MMP16: variants seen among roughly 807,000 people sequenced by gnomAD.
MMP16 encodes matrix metalloproteinase-16.
Under a neutral mutation model 67.8 loss-of-function variants are expected in MMP16, and 12 were observed. The ratio of observed to expected loss-of-function variants is 0.18; its 90% confidence interval spans 0.11 to 0.29. The LOEUF (loss-of-function observed/expected upper bound fraction) is 0.29, where lower values mean the gene tolerates loss of function less well. Among genes scored for constraint, MMP16 ranks in the 10% least tolerant of loss-of-function variants. The pLI is 1.00. For synonymous variants in MMP16, 249 were observed against 255.9 expected (o/e 0.97, Z 0.26); for missense variants, 475 against 765.7 (o/e 0.62, Z 4.48).
intron 7 of MMP16, among the ~76,000 whole-genome samples, chr8:88,073,727 T>C (rs1808600862): frequency 6.6e-6 from 1 of 152,178 alleles, no homozygotes; most frequent in African/African-American, 2.4e-5. Context: ...ATAGCATTAT[T>C]TTAGTTTGAT....
At chr8:88,298,718 A>G (rs1811051359) in intron 1 of MMP16, among the ~76,000 whole-genome samples, 1 of 152,196 alleles carries the variant, frequency 6.6e-6, no homozygotes, top group African/African-American at 2.4e-5. Context: ...GAGGTGATGA[A>G]TAATAAATTA....
Position 88,037,086 on chromosome 8 carries a change from A to G in MMP16, c.*4375T>C, listed in dbSNP as rs1484603822. ...TGGACACACTATTTATTCCACTGTAAGATCCACAAAGTGTGGGCGTGTATG... is the reference window on the plus strand; with the variant it reads ...TGGACACACTATTTATTCCACTGTAGGATCCACAAAGTGTGGGCGTGTATG... On this transcript the variant is annotated 3_prime_UTR_variant, in exon 10 of 10. Transcript: ENST00000286614. 6.6e-6 allele frequency: 1 copy of G among 150,682 alleles called. No homozygotes were observed. The highest frequency in any genetic ancestry group is 2.4e-5 in the African/African-American group (1 of 41,032). The allele number at this position is 150,682 out of a possible 1,614,324, so 9.3% of individuals were successfully genotyped here.
chr8:88,046,920 G>T (rs775593952), intron 8 of MMP16, 136 bp from the exon 9 acceptor site: 27 of 482,012 alleles, frequency 5.6e-5, no homozygotes, highest in Non-Finnish European at 1.8e-5. Context: ...ACCTGTTAAT[G>T]ATTTACAGAA....
At chr8:88,298,953 A>G (rs1811056040) in intron 1 of MMP16, among the ~76,000 whole-genome samples, 1 of 152,102 alleles carries the variant, frequency 6.6e-6, no homozygotes, top group African/African-American at 2.4e-5. Flanking sequence ...TGTCTAGTTC[A>G]TTTCTAACAT....
intron 1 of MMP16, among the ~76,000 whole-genome samples, chr8:88,297,344 T>G (rs1811028916): frequency 6.6e-6 from 1 of 152,136 alleles, no homozygotes; most frequent in Middle Eastern, 3.2e-3. Flanking sequence ...CTCCCCAAAC[T>G]CAAACGACTT....
rs563866673 is a variant in MMP16, at chr8:88,172,023, C to T, written c.405-4050G>A. 9.3e-4 allele frequency among the ~76,000 whole-genome samples: 141 copies of T among 152,218 alleles called. 2 individuals are homozygous for T. The highest frequency in any genetic ancestry group is 3.2e-3 in the African/African-American group (132 of 41,540). On this transcript the variant is annotated intron_variant, in intron 3 of 9. Coordinates refer to ENST00000286614, the MANE Select transcript of MMP16 (RefSeq NM_005941.5). ...TGTATTTTTGGTAGAGATGAGGTTT[C>T]ACCATGTTGGCCAGGCTGGTCTCGA...
chr8:88,308,024 T>C (rs2130058936), intron 1 of MMP16, among the ~76,000 whole-genome samples: 1 of 152,186 alleles, frequency 6.6e-6, no homozygotes, highest in African/African-American at 2.4e-5. Flanking sequence ...AAAATAGTTT[T>C]CCCAGAAATG....
chr8:88,192,913 G>GA (rs1809192656), intron 2 of MMP16, among the ~76,000 whole-genome samples: 1 of 151,950 alleles, frequency 6.6e-6, no homozygotes, highest in Non-Finnish European at 1.5e-5. Context: ...AATGAAAGCT[G>GA]GGGGGCATCT....
At chr8:88,236,451 T>C (rs1305681207) in intron 1 of MMP16, among the ~76,000 whole-genome samples, 1 of 151,994 alleles carries the variant, frequency 6.6e-6, no homozygotes, top group Non-Finnish European at 1.5e-5. Flanking sequence ...AAAATGAACA[T>C]TAAGTAGTTA....
At chr8:88,326,877 G>A (rs938687981) in intron 1 of MMP16, 198 bp downstream of exon 1, 1 of 554,960 alleles carries the variant, frequency 1.8e-6, no homozygotes, top group Non-Finnish European at 3.1e-6. Flanking sequence ...TTGTGCTGCC[G>A]GGGATAACGG....
At chr8:88,237,184 G>C (rs957218581) in intron 1 of MMP16, among the ~76,000 whole-genome samples, 7 of 152,118 alleles carry the variant, frequency 4.6e-5, no homozygotes, top group African/African-American at 1.7e-4. Flanking sequence ...CTTACAAAAA[G>C]TCTGACAACA....
At chr8:88,259,765 GA>G (rs1810358101) in intron 1 of MMP16, among the ~76,000 whole-genome samples, 2 of 152,070 alleles carry the variant, frequency 1.3e-5, no homozygotes, top group South Asian at 4.1e-4. Flanking sequence ...ATTATTTTAG[GA>G]AAAGGTACAA....
In MMP16 at chr8:88,046,859, T is replaced by C. The variant is rs1190398877; in HGVS notation, c.1374-75A>G. On this transcript the variant is annotated intron_variant, in intron 8 of 9. Transcript: ENST00000286614. ...GAAAGATTATGCATACAAACAATAA[T>C]AGCTGACATTTATTAGACCTTTGCT... 1.2e-5 allele frequency: 11 copies of C among 906,284 alleles called. No homozygotes were observed. In the East Asian group the frequency reaches 1.6e-4, roughly 13 times the overall value. The allele number at this position is 906,284 out of a possible 1,614,324, so 56.1% of individuals were successfully genotyped here.
At chr8:88,106,067 A>G (rs1201898661) in intron 6 of MMP16, among the ~76,000 whole-genome samples, 4 of 149,200 alleles carry the variant, frequency 2.7e-5, no homozygotes, top group Admixed American at 6.7e-5. Flanking sequence ...ATATATATAT[A>G]TATATATGTA....
At chr8:88,229,217 T>C (rs969395498) in intron 1 of MMP16, among the ~76,000 whole-genome samples, 4 of 152,120 alleles carry the variant, frequency 2.6e-5, no homozygotes, top group African/African-American at 4.8e-5. Flanking sequence ...TTTGATATTT[T>C]GTGAATATGC....
intron 6 of MMP16, among the ~76,000 whole-genome samples, chr8:88,080,679 A>AC (rs1808734534): frequency 6.6e-6 from 1 of 151,872 alleles, no homozygotes; most frequent in African/African-American, 2.4e-5. Context: ...CAAGTGATCC[A>AC]CCCACCTTGG....
chr8:88,107,094 T>C (rs540932889), intron 6 of MMP16, among the ~76,000 whole-genome samples: 3 of 151,342 alleles, frequency 2.0e-5, no homozygotes, highest in African/African-American at 7.2e-5. Context: ...TACTTAGATT[T>C]TTTTCCCTGA....
intron 1 of MMP16, among the ~76,000 whole-genome samples, chr8:88,252,464 A>G (rs1019435098): frequency 6.6e-6 from 1 of 152,076 alleles, no homozygotes; most frequent in Non-Finnish European, 1.5e-5. Flanking sequence ...CATTTTATTT[A>G]CTTCCCTTTT....
At chr8:88,080,855 C>T (rs1013351697) in intron 6 of MMP16, among the ~76,000 whole-genome samples, 18 of 152,106 alleles carry the variant, frequency 1.2e-4, no homozygotes, top group African/African-American at 4.1e-4. Context: ...GAAAGAAAGA[C>T]AAAAATGTGG....
Sources: gnomAD v4.1 joint callset for allele counts (sites outside exome capture counted in the v4.1 genomes callset) on GRCh38, gnomAD v4.1.1 for gene constraint, MANE v1.5 for transcripts, NCBI Gene and HGNC (gene_info 2026-07-23, HGNC 2026-07-21) for gene names.